Variants in ROBO1 observed in about 807,000 individuals in gnomAD.
ROBO1 encodes roundabout guidance receptor 1, also known as roundabout homolog 1.
In ROBO1, 149 loss-of-function variants were observed where a neutral mutation model predicts 195.9. The ratio of observed to expected loss-of-function variants is 0.76; its 90% CI spans 0.67 to 0.87. ROBO1 has a LOEUF of 0.87. ROBO1 is among the 40% of genes least tolerant of loss of function. ROBO1 has a pLI of 0.00. For synonymous variants in ROBO1, 816 were observed against 733.2 expected, an observed-to-expected ratio of 1.11 and a Z score of -1.82; for missense variants, 1,933 against 2,068.3, an observed-to-expected ratio of 0.93 and a Z score of 1.27.
At chr3:79,666,663 T>G (rs912904492) in intron 1 of ROBO1, among the ~76,000 whole-genome samples, 2 of 151,892 alleles carry the variant, frequency 1.3e-5, no homozygotes, top group Admixed American at 6.6e-5. Flanking sequence ...GACATGCCTT[T>G]CCTTTTCTGC....
intron 4 of ROBO1, among the ~76,000 whole-genome samples, chr3:78,815,622 G>C (rs970536752): frequency 1.1e-4 from 1 of 9,050 alleles, no homozygotes; most frequent in Admixed American, 2.5e-3. Flanking sequence ...TCTAGAACTT[G>C]AGAGCAAGGT....
rs370403985 is a variant in ROBO1 at position 78,670,290 on chromosome 3, G to T, written c.1354C>A (p.Arg452=). The T allele has an allele frequency of 1.9e-6, 3 of 1,562,036 alleles. No homozygotes were observed. Among genetic ancestry groups the T allele is most frequent in the Admixed American group, 3.8e-5 (2 of 52,050 alleles). ...YLEVTDVIAD[R]PPPVIRQGPV... The stretch of plus-strand genomic sequence containing the variant: ...CCTTGTCGAATAACTGGGGGAGGCC[G>T]ATCTGCAATCACTGCCAGAAGAAAC... The change falls in exon 11 of 31, where the codon CGG becomes AGG. Residue 452 remains arginine (R), a synonymous_variant. Transcript: ENST00000464233.
At chr3:78,614,530 G>T in intron 28 of ROBO1, 118 bp downstream of exon 28, 1 of 1,142,098 alleles carries the variant, frequency 8.8e-7, no homozygotes, top group Non-Finnish European at 1.2e-6. Context: ...ATATGAAGCT[G>T]ATTGTTAATA....
In ROBO1 at chr3:79,748,218, C is replaced by T. The variant is rs1703958491; in HGVS notation, c.-51+19534G>A. On this transcript the variant is annotated intron_variant, in intron 1 of 30. Transcript: ENST00000464233. ...TGAAATGAATTCAAGAGACCATCAG[C>T]TACCTGATAGTGAGATATGCACTTA... 2.0e-5 allele frequency among the ~76,000 whole-genome samples: 3 copies of T among 152,240 alleles called. No individual in the cohort carries two copies. In the South Asian group the frequency reaches 6.2e-4, roughly 32 times the overall value.
chr3:78,871,829 A>T (rs1209418170), intron 4 of ROBO1, among the ~76,000 whole-genome samples: 1 of 151,844 alleles, frequency 6.6e-6, no homozygotes, highest in East Asian at 1.9e-4. Context: ...TTGGTCTGAC[A>T]CAGACCTATT....
chr3:79,309,389 T>C (rs1295426764), intron 2 of ROBO1, among the ~76,000 whole-genome samples: 1 of 151,992 alleles, frequency 6.6e-6, no homozygotes, highest in Non-Finnish European at 1.5e-5. Context: ...GGCAACACGG[T>C]GAAACCCCCA....
chr3:79,003,558 T>C (rs1164685985), intron 3 of ROBO1, among the ~76,000 whole-genome samples: 2 of 152,104 alleles, frequency 1.3e-5, no homozygotes, highest in Non-Finnish European at 2.9e-5. Context: ...CCCCATCAAG[T>C]AGATACTCAT....
intron 2 of ROBO1, among the ~76,000 whole-genome samples, chr3:79,441,625 C>G (rs2039057585): frequency 6.6e-6 from 1 of 152,016 alleles, no homozygotes; most frequent in Non-Finnish European, 1.5e-5. Flanking sequence ...CAAATAACTT[C>G]ATCTTGAATT....
At chr3:79,727,264 A>G (rs1250835778) in intron 1 of ROBO1, among the ~76,000 whole-genome samples, 1 of 150,810 alleles carries the variant, frequency 6.6e-6, no homozygotes, top group African/African-American at 2.4e-5. Context: ...TTAATTGCCA[A>G]CTAGAGTCAG....
At chr3:78,678,907 A>T (rs2080811058) in intron 10 of ROBO1, among the ~76,000 whole-genome samples, 1 of 152,118 alleles carries the variant, frequency 6.6e-6, no homozygotes, top group Non-Finnish European at 1.5e-5. Context: ...CTTGATGAAC[A>T]TTGATGCAAA....
chr3:78,964,790 G>T (rs1280810880), intron 3 of ROBO1, among the ~76,000 whole-genome samples: 3 of 149,760 alleles, frequency 2.0e-5, no homozygotes, highest in African/African-American at 2.5e-5. Flanking sequence ...AAAGAGGAAA[G>T]CAAGCTTAGG....
intron 3 of ROBO1, among the ~76,000 whole-genome samples, chr3:79,111,068 T>C (rs552033755): frequency 1.0e-3 from 152 of 152,308 alleles, no homozygotes; most frequent in African/African-American, 3.6e-3. Flanking sequence ...TAGACTATTA[T>C]GACTTTAGTA....
At chr3:78,740,340 C>T (rs932184053) in intron 5 of ROBO1, among the ~76,000 whole-genome samples, 2 of 150,348 alleles carry the variant, frequency 1.3e-5, no homozygotes, top group African/African-American at 5.0e-5. Flanking sequence ...ATTATTCTCT[C>T]TAAAAATTGA....
intron 2 of ROBO1, among the ~76,000 whole-genome samples, chr3:79,263,633 C>T (rs919530398): frequency 1.3e-5 from 2 of 151,956 alleles, no homozygotes; most frequent in Non-Finnish European, 2.9e-5. Context: ...CAGAGTGAAA[C>T]CCTGTCCAAA....
intron 4 of ROBO1, among the ~76,000 whole-genome samples, chr3:78,801,997 G>C (rs1180575916): frequency 2.0e-5 from 3 of 152,066 alleles, no homozygotes; most frequent in Non-Finnish European, 4.4e-5. Flanking sequence ...TTCCCATACT[G>C]ATCTTTTCCC....
intron 8 of ROBO1, among the ~76,000 whole-genome samples, chr3:78,713,643 A>G (rs1199381211): frequency 6.6e-6 from 1 of 152,204 alleles, no homozygotes; most frequent in Non-Finnish European, 1.5e-5. Flanking sequence ...GAGAAAAACA[A>G]AATGGGATTA....
At chr3:79,635,935 T>C (rs1366213045) in intron 1 of ROBO1, among the ~76,000 whole-genome samples, 1 of 152,196 alleles carries the variant, frequency 6.6e-6, no homozygotes, top group African/African-American at 2.4e-5. Context: ...TATGATATTC[T>C]ATCCTACCTA....
chr3:79,710,916 G>A (rs1023740355), intron 1 of ROBO1, among the ~76,000 whole-genome samples: 5 of 152,114 alleles, frequency 3.3e-5, no homozygotes, highest in African/African-American at 1.2e-4. Context: ...AGTTGGTGAA[G>A]CCAGGCCCAG....
At chr3:79,592,870 A>C (rs1459211516) in intron 1 of ROBO1, among the ~76,000 whole-genome samples, 1 of 151,982 alleles carries the variant, frequency 6.6e-6, no homozygotes, top group Non-Finnish European at 1.5e-5. Context: ...CACTGCCCTA[A>C]AAATCCTTTG....
Sources: gnomAD v4.1 joint callset for allele counts (sites outside exome capture counted in the v4.1 genomes callset) on GRCh38, gnomAD v4.1.1 for gene constraint, MANE v1.5 for transcripts, NCBI Gene and HGNC (gene_info 2026-07-23, HGNC 2026-07-21) for gene names.